The following DIAPH2 variants were observed in gnomAD, a reference collection of about 807,000 sequenced individuals.
DIAPH2 encodes protein diaphanous homolog 2.
Under a neutral mutation model 92.7 loss-of-function variants are expected in DIAPH2, and 35 were observed. That is an observed-to-expected ratio of 0.38 (90% confidence interval 0.29 to 0.50). DIAPH2 has a LOEUF of 0.50. Among genes scored for constraint, DIAPH2 ranks in the 20% least tolerant of loss-of-function variants. The pLI, the probability that DIAPH2 is intolerant of heterozygous loss-of-function variation, is 0.94. For missense variants in DIAPH2, 701 were observed against 819.5 expected (o/e 0.86, Z 1.77); for synonymous variants, 301 against 280.4 (o/e 1.07, Z -0.73).
At chrX:97,556,395 G>A (rs897026972) in intron 26 of DIAPH2, among the ~76,000 whole-genome samples, 44 of 111,978 alleles carry the variant, frequency 3.9e-4, no homozygotes, top group African/African-American at 1.3e-3. Context: ...ATATTACCAC[G>A]AACTGTGTGA....
rs1468888421 is a variant in DIAPH2 at position 97,510,722 on chromosome X, A to C, written c.3241+80977A>C. 1.8e-3 allele frequency among the ~76,000 whole-genome samples: 172 copies of C among 95,457 alleles called. No individual in the cohort carries two copies. The East Asian group carries it at 0.03, about 16-fold the overall frequency. The allele number at this position is 95,457 out of a possible 115,157, so 82.9% of individuals were successfully genotyped here. On this transcript the variant is annotated intron_variant, in intron 26 of 26. Transcript: ENST00000324765. Reference sequence around the variant, plus strand: ...GGAAGGGATGCAGTTTCAGCTTTCTACATATGGCTAGCCAGTTTTCCCAGC... The same window carrying C: ...GGAAGGGATGCAGTTTCAGCTTTCTCCATATGGCTAGCCAGTTTTCCCAGC...
intron 23 of DIAPH2, among the ~76,000 whole-genome samples, chrX:97,269,048 G>A (rs1242560036): frequency 9.1e-6 from 1 of 109,652 alleles, no homozygotes; most frequent in Non-Finnish European, 1.9e-5. Context: ...GTAGAGATGG[G>A]GTTTCACCAT....
At chrX:97,342,969 AAAG>A (rs1384751957) in intron 23 of DIAPH2, among the ~76,000 whole-genome samples, 4 of 111,524 alleles carry the variant, frequency 3.6e-5, no homozygotes, top group Admixed American at 2.9e-4. Flanking sequence ...GAAGGAACAG[AAAG>A]AAGGTTGATG....
chrX:96,850,783 A>G (rs867765311), intron 4 of DIAPH2, among the ~76,000 whole-genome samples: 2 of 101,660 alleles, frequency 2.0e-5, no homozygotes, highest in African/African-American at 6.7e-5. Flanking sequence ...AATCATAGCA[A>G]TTGCTTCATT....
chrX:96,820,391 G>A (rs1343215479), intron 4 of DIAPH2, among the ~76,000 whole-genome samples: 1 of 111,591 alleles, frequency 9.0e-6, no homozygotes, highest in Non-Finnish European at 1.9e-5. Context: ...GATTGCTTGA[G>A]CTAGGGAGGC....
Position 96,947,084 on chromosome X carries a change from C to A in DIAPH2, c.1509+1493C>A, listed in dbSNP as rs182518262. Among the ~76,000 whole-genome samples the A allele has an allele frequency of 9.9e-5, 11 of 111,674 alleles. No individual in the cohort carries two copies. In the East Asian group the frequency reaches 2.5e-3, roughly 26 times the overall value. On this transcript the variant is annotated intron_variant, in intron 14 of 26. Transcript: ENST00000324765. ...ACTTACTCTCTTTAGATCTTAGTTT[C>A]TTCATCATTAAAAGGAAAGAATAAA...
chrX:97,134,320 A>T (rs1374584892), intron 21 of DIAPH2, among the ~76,000 whole-genome samples: 1 of 111,726 alleles, frequency 9.0e-6, no homozygotes, highest in Non-Finnish European at 1.9e-5. Context: ...ATTGCTAGAT[A>T]ATTTCTCTCT....
At chrX:96,783,735 C>G (rs2064435603) in intron 4 of DIAPH2, among the ~76,000 whole-genome samples, 1 of 112,076 alleles carries the variant, frequency 8.9e-6, no homozygotes, top group South Asian at 3.7e-4. Flanking sequence ...TGAAAAAGTT[C>G]TCTCCCTTCC....
chrX:97,172,918 TGATATTCACGTCATGTAG>T lies in DIAPH2; in HGVS notation c.2719+31126_2719+31143del, dbSNP rs1041104804. On this transcript the variant is annotated intron_variant, in intron 22 of 26. Transcript: ENST00000324765. The stretch of plus-strand genomic sequence containing the variant: ...GTTTTCTAGAAACTCTCTGTCTCTG[TGATATTCACGTCATGTAG>T]GTTTCCTATGTCCACGACTTTGAAA... 4.5e-5 allele frequency among the ~76,000 whole-genome samples: 5 copies of T among 112,123 alleles called. 1 individual carries two copies. The highest frequency in any genetic ancestry group is 1.6e-4 in the African/African-American group (5 of 30,900).
intron 3 of DIAPH2, among the ~76,000 whole-genome samples, chrX:96,743,633 A>C (rs1313528621): frequency 8.9e-6 from 1 of 111,777 alleles, no homozygotes; most frequent in Non-Finnish European, 1.9e-5. Flanking sequence ...GTGAAATCTA[A>C]AAATGTTGAT....
chrX:97,157,798 C>G (rs1436278985), intron 22 of DIAPH2, among the ~76,000 whole-genome samples: 1 of 112,089 alleles, frequency 8.9e-6, no homozygotes, highest in Non-Finnish European at 1.9e-5. Context: ...AACAAAGTGT[C>G]TAGCAGAATC....
chrX:96,870,123 C>T (rs1375304512), intron 4 of DIAPH2, among the ~76,000 whole-genome samples: 1 of 111,525 alleles, frequency 9.0e-6, no homozygotes, highest in Non-Finnish European at 1.9e-5. Flanking sequence ...CAAGACATGA[C>T]TTCTCCGTGA....
chrX:97,230,155 A>G, intron 22 of DIAPH2, among the ~76,000 whole-genome samples: 1 of 110,994 alleles, frequency 9.0e-6, no homozygotes, highest in Non-Finnish European at 1.9e-5. Context: ...ATTGGCCTCA[A>G]ACAATTTTTC....
chrX:97,143,324 T>C (rs1392255980), intron 22 of DIAPH2, among the ~76,000 whole-genome samples: 1 of 110,873 alleles, frequency 9.0e-6, no homozygotes, highest in Non-Finnish European at 1.9e-5. Flanking sequence ...GACCAGTTAT[T>C]AAATTAGCTC....
rs140198535 is a variant in DIAPH2, at chrX:96,788,550, A to G, written c.447+30292A>G. On this transcript the variant is annotated intron_variant, in intron 4 of 26. Coordinates refer to ENST00000324765, the MANE Select transcript of DIAPH2 (RefSeq NM_006729.5). ...CTCCAAAATGTTTTGAGGAAAATTA[A>G]CACCCCTATTATTATTAGGGAAGCA... Among the ~76,000 whole-genome samples, 189 of 111,879 alleles carry G rather than the reference A, an allele frequency of 1.7e-3. 2 individuals carry two copies. Among genetic ancestry groups the G allele is most frequent in the African/African-American group, 5.9e-3 (181 of 30,819 alleles).
intron 26 of DIAPH2, chrX:97,528,640 G>T (rs1434628081): frequency 8.9e-6 from 1 of 111,974 alleles, no homozygotes; most frequent in African/African-American, 3.3e-5. Context: ...TCATTCATGA[G>T]GGATCCACCT....
chrX:97,336,036 A>C (rs2069054954), intron 23 of DIAPH2, among the ~76,000 whole-genome samples: 1 of 110,153 alleles, frequency 9.1e-6, no homozygotes, highest in Non-Finnish European at 1.9e-5. Flanking sequence ...TGTTCCTAGA[A>C]TATTTAATAT....
intron 26 of DIAPH2, among the ~76,000 whole-genome samples, chrX:97,557,723 G>C: frequency 8.9e-6 from 1 of 112,214 alleles, no homozygotes; most frequent in Non-Finnish European, 1.9e-5. Context: ...ATAATTTTAA[G>C]GAAATGCTTT....
chrX:96,783,017 G>A (rs991959234), intron 4 of DIAPH2, among the ~76,000 whole-genome samples: 7 of 111,982 alleles, frequency 6.3e-5, no homozygotes, highest in Non-Finnish European at 3.8e-5. Context: ...CTCCACAAGG[G>A]ATTATTCAGT....
Sources: allele counts gnomAD v4.1 joint callset (sites outside exome capture counted in the v4.1 genomes callset), GRCh38; gene constraint gnomAD v4.1.1; transcripts MANE v1.5; gene names NCBI Gene and HGNC (gene_info 2026-07-23, HGNC 2026-07-21).